Variants in MFSD11 observed in about 807,000 individuals in gnomAD.
The protein encoded by MFSD11 is major facilitator superfamily domain containing 11, also known as UNC93-like protein MFSD11.
In MFSD11, 36 loss-of-function variants were observed where a neutral mutation model predicts 53.5. That is an observed-to-expected ratio of 0.67 (90% CI 0.52 to 0.89). MFSD11 has a LOEUF of 0.89. Ranked by LOEUF, MFSD11 falls within the 40% of genes least tolerant of loss-of-function variation. The probability of loss-of-function intolerance (pLI) is 0.00; values close to 1 mark genes in which losing one functional copy is unlikely to be tolerated. For synonymous variants in MFSD11, 186 were observed against 184.9 expected (o/e 1.01, Z -0.05); for missense variants, 530 against 543.9 (o/e 0.97, Z 0.25).
chr17:76,750,635 C>T (rs1203347942), intron 7 of MFSD11, among the ~76,000 whole-genome samples: 4 of 151,704 alleles, frequency 2.6e-5, no homozygotes, highest in South Asian at 2.1e-4. Context: ...GGATTACAGG[C>T]GTGAGCCACC....
intron 7 of MFSD11, among the ~76,000 whole-genome samples, chr17:76,751,360 A>C (rs980277318): frequency 1.3e-5 from 2 of 151,390 alleles, no homozygotes; most frequent in Non-Finnish European, 2.9e-5. Flanking sequence ...ACTGCACTCC[A>C]GTCTGGGTGA....
intron 2 of MFSD11, among the ~76,000 whole-genome samples, chr17:76,740,679 G>A (rs1287444206): frequency 6.6e-6 from 1 of 152,074 alleles, no homozygotes; most frequent in Non-Finnish European, 1.5e-5. Context: ...TCTGTATAAG[G>A]TACTTGGCAC....
chr17:76,770,686 A>G (rs893157396), intron 10 of MFSD11, among the ~76,000 whole-genome samples: 3 of 152,168 alleles, frequency 2.0e-5, no homozygotes, highest in African/African-American at 7.2e-5. Flanking sequence ...TTCATGTTTG[A>G]TAATTTGCTA....
chr17:76,762,323 C>T (rs2144661280), intron 8 of MFSD11, among the ~76,000 whole-genome samples: 1 of 152,188 alleles, frequency 6.6e-6, no homozygotes, highest in East Asian at 1.9e-4. Context: ...TTATGAGTTT[C>T]AGGGGTCTGT....
upstream of MFSD11, chr17:76,737,618 A>G (rs147061525): frequency 5.9e-3 from 1,251 of 211,564 alleles, 16 homozygotes; most frequent in African/African-American, 0.026. Context: ...CAGGAGGAAG[A>G]GGAGGTGCTC....
At chr17:76,738,606 G>C (rs1812100623) in intron 1 of MFSD11, 158 bp downstream of exon 1, 4 of 631,056 alleles carry the variant, frequency 6.3e-6, no homozygotes, top group Middle Eastern at 2.8e-4. Context: ...TTGATTTCTT[G>C]TGTCAGACAT....
the MFSD11 span, among the ~76,000 whole-genome samples, chr17:76,801,043 T>C: frequency 6.6e-6 from 1 of 151,504 alleles, no homozygotes; most frequent in African/African-American, 2.4e-5. Context: ...CACACTGCAC[T>C]TCAGCCTGGG....
the MFSD11 span, among the ~76,000 whole-genome samples, chr17:76,788,975 C>T: frequency 2.7e-5 from 4 of 149,466 alleles, no homozygotes. Context: ...AACCCCATCT[C>T]TACTAAAAAT....
the MFSD11 span, among the ~76,000 whole-genome samples, chr17:76,793,813 C>G: frequency 6.6e-6 from 1 of 151,526 alleles, no homozygotes; most frequent in Non-Finnish European, 1.5e-5. Context: ...TTCAGCCGGT[C>G]CCTCCATTCG....
At position 76,751,345 on chromosome 17, in the gene MFSD11, G is replaced by A. The variant is rs551718274; in HGVS notation, c.642-2702G>A. Among the ~76,000 whole-genome samples, 33 of 151,464 alleles carry A rather than the reference G, an allele frequency of 2.2e-4. 1 individual carries two copies. The South Asian group carries it at 6.3e-3, about 29-fold the overall frequency. ...GTGGAGATTGCAGTGAGCTGAGATC[G>A]TGCCACTGCACTCCAGTCTGGGTGA... is the stretch of plus-strand genomic sequence containing the variant. On this transcript the variant is annotated intron_variant, in intron 7 of 12. Transcript: ENST00000685175.
chr17:76,746,059 A>G (rs1442933927), intron 7 of MFSD11, among the ~76,000 whole-genome samples: 17 of 152,206 alleles, frequency 1.1e-4, no homozygotes, highest in Admixed American at 1.0e-3. Context: ...CAAACAGCCA[A>G]GTTGTGAATG....
At chr17:76,740,934 C>G in intron 2 of MFSD11, 23 bp from the exon 3 acceptor site, 181 of 819,374 alleles carry the variant, frequency 2.2e-4, no homozygotes, top group Non-Finnish European at 2.6e-4. Flanking sequence ...TTTTTTTTTT[C>G]CGTTTGTGTA....
At chr17:76,763,271 GTT>G (rs1000896502) in intron 8 of MFSD11, among the ~76,000 whole-genome samples, 1 of 144,368 alleles carries the variant, frequency 6.9e-6, no homozygotes, top group Non-Finnish European at 1.5e-5. Flanking sequence ...TTTGTTTTTT[GTT>G]TTTTTTTTTG....
upstream of MFSD11, chr17:76,736,653 G>C: frequency 1.7e-6 from 2 of 1,188,222 alleles, no homozygotes; most frequent in Non-Finnish European, 2.2e-6. Flanking sequence ...GGAAGCTCGC[G>C]GGGTGGCCGG....
chr17:76,789,131 G>A, the MFSD11 span, among the ~76,000 whole-genome samples: 1 of 149,994 alleles, frequency 6.7e-6, no homozygotes, highest in Non-Finnish European at 1.5e-5. Context: ...GACAGAGTGA[G>A]ACTTCATCTC....
chr17:76,755,212 CAA>C (rs758631412), intron 8 of MFSD11, among the ~76,000 whole-genome samples: 5 of 123,286 alleles, frequency 4.1e-5, no homozygotes, highest in Admixed American at 8.4e-5. Context: ...GAGACTGTCT[CAA>C]AAAAAAAAAA....
the MFSD11 span, among the ~76,000 whole-genome samples, chr17:76,799,721 T>C: frequency 1.3e-5 from 2 of 152,080 alleles, no homozygotes; most frequent in African/African-American, 4.8e-5. Flanking sequence ...GTCCCAAACA[T>C]TATTGCAAAG....
the MFSD11 span, among the ~76,000 whole-genome samples, chr17:76,795,995 G>C: frequency 6.6e-6 from 1 of 151,872 alleles, no homozygotes; most frequent in Non-Finnish European, 1.5e-5. Context: ...GCCTGACACT[G>C]AACAATTCCT....
In MFSD11 at chr17:76,778,441, A is replaced by G. The variant is rs977648735; in HGVS notation, c.*89A>G. The G allele has an allele frequency of 2.4e-6, 3 of 1,272,800 alleles. No individual in the cohort carries two copies. The highest frequency in any genetic ancestry group is 2.2e-6 in the Non-Finnish European group (2 of 895,538). 78.8% of individuals were successfully genotyped at this position (1,272,800 alleles called of 1,614,324 possible). A position where few individuals can be genotyped will look rare whatever the true frequency, so the allele number is the denominator to read the frequency against. On this transcript the variant is annotated 3_prime_UTR_variant, in exon 13 of 13. Transcript: ENST00000685175. The stretch of plus-strand genomic sequence containing the variant: ...AGAAGTCGCCTTTGATCTTCACTAT[A>G]TATTGGGTGATGTTCAGTATGGAAA...
Sources: gnomAD v4.1 joint callset for allele counts (sites outside exome capture counted in the v4.1 genomes callset) on GRCh38, gnomAD v4.1.1 for gene constraint, MANE v1.5 for transcripts, NCBI Gene and HGNC (gene_info 2026-07-23, HGNC 2026-07-21) for gene names.